The following RIMBP2 variants were observed in gnomAD, a reference collection of about 807,000 sequenced individuals.
RIMBP2 encodes RIMS-binding protein 2.
In RIMBP2, 48 loss-of-function variants were observed where a neutral mutation model predicts 118.6. That is an observed-to-expected ratio of 0.40 (90% CI 0.32 to 0.51). The LOEUF (loss-of-function observed/expected upper bound fraction) is 0.51. Among genes scored for constraint, RIMBP2 ranks in the 20% least tolerant of loss-of-function variants. RIMBP2 has a pLI of 0.41. For synonymous variants in RIMBP2, 762 were observed against 742.9 expected (o/e 1.03, Z -0.42); for missense variants, 1,551 against 1,768.3 (o/e 0.88, Z 2.20).
chr12:130,664,417 A>ACGTG (rs1566439003), intron 1 of RIMBP2, among the ~76,000 whole-genome samples: 7 of 80,078 alleles, frequency 8.7e-5, no homozygotes, highest in South Asian at 3.9e-4. Context: ...GCACGCACAC[A>ACGTG]CACGCACACA....
intron 6 of RIMBP2, among the ~76,000 whole-genome samples, chr12:130,459,190 A>G (rs1019539354): frequency 3.3e-5 from 5 of 151,240 alleles, no homozygotes; most frequent in African/African-American, 4.9e-5. Context: ...GCCATGAGGG[A>G]GTTTCTCTGG....
chr12:130,625,998 TA>T (rs755852291), intron 2 of RIMBP2, among the ~76,000 whole-genome samples: 2 of 152,216 alleles, frequency 1.3e-5, no homozygotes, highest in Non-Finnish European at 2.9e-5. Context: ...CATATTGTCA[TA>T]AATTATATTC....
At chr12:130,466,075 G>A (rs2080452250) in intron 6 of RIMBP2, 1 of 152,234 alleles carries the variant, frequency 6.6e-6, no homozygotes, top group Non-Finnish European at 1.5e-5. Context: ...ACATGAAGAA[G>A]ATCAAGTGAA....
chr12:130,470,662 C>G, intron 6 of RIMBP2, 31 bp downstream of exon 6: 1 of 1,222,550 alleles, frequency 8.2e-7, no homozygotes, highest in African/African-American at 1.6e-5. Flanking sequence ...GTCCCCCACC[C>G]CCGGGCAGAA....
intron 2 of RIMBP2, among the ~76,000 whole-genome samples, chr12:130,589,706 C>CATTATTATCTTTATAGA (rs1275427616): frequency 6.6e-6 from 1 of 152,148 alleles, no homozygotes; most frequent in Non-Finnish European, 1.5e-5. Context: ...TCACAGTGTA[C>CATTATTATCTTTATAGA]CCTTATAGAC....
chr12:130,542,119 T>C (rs963154715), intron 2 of RIMBP2, among the ~76,000 whole-genome samples: 2 of 146,832 alleles, frequency 1.4e-5, no homozygotes, highest in Non-Finnish European at 1.5e-5. Context: ...TAAAAATATG[T>C]TCTATGAAGA....
intron 6 of RIMBP2, 101 bp from the exon 7 acceptor site, chr12:130,456,801 T>A: frequency 1.2e-6 from 1 of 806,202 alleles, no homozygotes; most frequent in Non-Finnish European, 2.0e-6. Context: ...ATGTGCACTG[T>A]GTGCACGTGT....
In RIMBP2 at chr12:130,431,293, G is replaced by A. The variant is rs879021280; in HGVS notation, c.2254-2956C>T. 9.7e-6 allele frequency: 2 copies of A among 205,504 alleles called. No individual in the cohort carries two copies. The highest frequency in any genetic ancestry group is 7.4e-4 in the Middle Eastern group (1 of 1,346). 12.7% of individuals were successfully genotyped at this position (205,504 alleles called of 1,614,324 possible). ...GGTGTCTTGGAGCAGATGGGATAGC[G>A]CCAGGGGGTAAGGGCTCATGTGACG... On this transcript the variant is annotated intron_variant, in intron 14 of 22. Coordinates refer to ENST00000690449, the MANE Select transcript of RIMBP2 (RefSeq NM_001393629.1). The surrounding 1 kb of genome is among the most constrained non-coding windows in gnomAD (Gnocchi z 4.0).
In RIMBP2 at chr12:130,620,185, G is replaced by C. The variant is rs997153276; in HGVS notation, c.-217+8137C>G. Among the ~76,000 whole-genome samples, 2 of 152,170 alleles carry C rather than the reference G, an allele frequency of 1.3e-5. No homozygotes were observed. Among genetic ancestry groups the C allele is most frequent in the Non-Finnish European group, 2.9e-5 (2 of 68,028 alleles). On this transcript the variant is annotated intron_variant, in intron 2 of 22. Coordinates refer to ENST00000690449, the MANE Select transcript of RIMBP2 (RefSeq NM_001393629.1). This position sits in a 1 kb window ranked among gnomAD's most constrained non-coding sequence, Gnocchi z 5.3. ...TGGTGCCTCACCCTCTCCAGCCAAG[G>C]GATGGGCACAAGACCGAAGTGGTGG...
chr12:130,606,407 C>T (rs941270409), intron 2 of RIMBP2, among the ~76,000 whole-genome samples: 14 of 152,152 alleles, frequency 9.2e-5, no homozygotes, highest in South Asian at 2.1e-4. Flanking sequence ...ACAAGCGTGA[C>T]GCGTGGGCAG....
At chr12:130,669,918 A>T (rs2064123462) in intron 1 of RIMBP2, among the ~76,000 whole-genome samples, 1 of 152,168 alleles carries the variant, frequency 6.6e-6, no homozygotes, top group Non-Finnish European at 1.5e-5. Context: ...AGTAACACAC[A>T]TTTAGGCCTT....
chr12:130,564,333 T>G (rs74376051), intron 2 of RIMBP2, among the ~76,000 whole-genome samples: 57 of 146,462 alleles, frequency 3.9e-4, no homozygotes, highest in African/African-American at 1.3e-3. Context: ...AGCACTGTGT[T>G]TTTTTCCCAA....
intron 5 of RIMBP2, among the ~76,000 whole-genome samples, chr12:130,474,700 G>A (rs1295596492): frequency 6.6e-6 from 1 of 152,220 alleles, no homozygotes; most frequent in Non-Finnish European, 1.5e-5. Flanking sequence ...GACTGGCTTT[G>A]GCACGGTCCA....
chr12:130,647,966 A>C (rs913765644), intron 1 of RIMBP2, among the ~76,000 whole-genome samples: 6 of 130,292 alleles, frequency 4.6e-5, no homozygotes, highest in Non-Finnish European at 1.1e-4. Flanking sequence ...GCAGTGGGTG[A>C]GTTGGACCCC....
chr12:130,676,578 G>A (rs552375281), intron 1 of RIMBP2, among the ~76,000 whole-genome samples: 66 of 151,494 alleles, frequency 4.4e-4, no homozygotes, highest in Non-Finnish European at 7.8e-4. Context: ...AGCCAAGATC[G>A]AGCCACTGAA....
chr12:130,438,126 C>A (rs951030579), intron 12 of RIMBP2, among the ~76,000 whole-genome samples: 1 of 152,182 alleles, frequency 6.6e-6, no homozygotes, highest in Non-Finnish European at 1.5e-5. Flanking sequence ...CTGGCCCCTG[C>A]ATTTTTAATC....
intron 4 of RIMBP2, among the ~76,000 whole-genome samples, chr12:130,486,854 C>T (rs922224712): frequency 2.0e-5 from 3 of 150,812 alleles, no homozygotes; most frequent in African/African-American, 7.3e-5. Context: ...CTTTCTGCCC[C>T]GAGACAGCTC....
At position 130,407,849 on chromosome 12, in the gene RIMBP2, G is replaced by A. The variant is rs766767811; in HGVS notation, c.3590-20C>T. ...TTCTCTCTGTTCAGATCACAAGGGGGAAAGAAATCCATCATGAGGTTATTT... is the reference window on the plus strand; with the variant it reads ...TTCTCTCTGTTCAGATCACAAGGGGAAAAGAAATCCATCATGAGGTTATTT... On this transcript the variant is annotated intron_variant, in intron 19 of 22. Transcript: ENST00000690449. 4.4e-6 allele frequency: 7 copies of A among 1,599,314 alleles called. No homozygotes were observed. Among genetic ancestry groups the A allele is most frequent in the Non-Finnish European group, 8.6e-7 (1 of 1,166,694 alleles).
intron 2 of RIMBP2, among the ~76,000 whole-genome samples, chr12:130,529,587 T>G (rs2053163759): frequency 6.6e-6 from 1 of 152,144 alleles, no homozygotes; most frequent in South Asian, 2.1e-4. Context: ...GCCACTGAAT[T>G]GTTCACTATA....
Sources: allele counts gnomAD v4.1 joint callset (sites outside exome capture counted in the v4.1 genomes callset), GRCh38; gene constraint gnomAD v4.1.1; non-coding constraint Gnocchi (gnomAD v3.1); transcripts MANE v1.5; gene names NCBI Gene and HGNC (gene_info 2026-07-23, HGNC 2026-07-21).